The following HAO2 variants were observed in gnomAD, a reference collection of about 807,000 sequenced individuals.
HAO2 encodes hydroxyacid oxidase 2, also known as 2-Hydroxyacid oxidase 2.
Under a neutral mutation model 37.4 loss-of-function variants are expected in HAO2, and 42 were observed. That is an observed-to-expected ratio of 1.12 (90% CI 0.88 to 1.45). HAO2 has a LOEUF of 1.45. Ranked by LOEUF, HAO2 falls within the 40% of genes most tolerant of loss-of-function variation. The pLI is 0.00. For missense variants in HAO2, 476 were observed against 430.2 expected (o/e 1.11, Z -0.94); for synonymous variants, 180 against 162.8 (o/e 1.11, Z -0.81).
At chr1:119,392,719 T>C (rs1226341869) in intron 7 of HAO2, 32 bp downstream of exon 7, 1 of 1,316,796 alleles carries the variant, frequency 7.6e-7, no homozygotes, top group Non-Finnish European at 1.1e-6. Flanking sequence ...GATTTGGAAC[T>C]TAAAGCAGGA....
intron 1 of HAO2, among the ~76,000 whole-genome samples, chr1:119,376,955 A>G (rs1054308218): frequency 6.6e-6 from 1 of 152,146 alleles, no homozygotes; most frequent in Admixed American, 6.5e-5. Flanking sequence ...CATTTTCCCC[A>G]TTGTCTTGGC....
In HAO2 at chr1:119,392,203, G is replaced by C; in HGVS notation, c.865G>C (p.Ala289Pro). 1 of 1,613,468 alleles carries C rather than the reference G, an allele frequency of 6.2e-7. No individual in the cohort carries two copies. Among genetic ancestry groups the C allele is most frequent in the Non-Finnish European group, 8.5e-7 (1 of 1,179,552 alleles). ...CCGAACTGGCAATGATGTGCTGAAG[G>C]CTCTGGCCCTTGGAGCTAAGTGCAT... ...GVRTGNDVLK[A>P]LALGAKCIFL... is the part of the protein sequence containing the mutation. Residue 289 changes from alanine (A) to proline (P), a missense_variant, in exon 6 of 8, where the codon GCT becomes CCT. Coordinates refer to ENST00000325945, the MANE Select transcript of HAO2 (RefSeq NM_016527.4).
At chr1:119,369,272 T>C (rs587687972) in intron 1 of HAO2, among the ~76,000 whole-genome samples, 11 of 152,324 alleles carry the variant, frequency 7.2e-5, no homozygotes, top group African/African-American at 2.6e-4. Flanking sequence ...TGACCACTGC[T>C]TCCCGGCCAC....
intron 1 of HAO2, among the ~76,000 whole-genome samples, chr1:119,377,284 C>G (rs587627728): frequency 6.6e-6 from 1 of 152,316 alleles, no homozygotes; most frequent in East Asian, 1.9e-4. Context: ...GGGCAAAATA[C>G]TGCCAGTCTC....
intron 5 of HAO2, among the ~76,000 whole-genome samples, chr1:119,389,838 G>A (rs1254207265): frequency 6.6e-6 from 1 of 151,902 alleles, no homozygotes; most frequent in Non-Finnish European, 1.5e-5. Flanking sequence ...TTTGCTTTTG[G>A]GTTCGTGGTC....
At chr1:119,391,671 T>A (rs10923805) in intron 5 of HAO2, among the ~76,000 whole-genome samples, 1 of 152,004 alleles carries the variant, frequency 6.6e-6, no homozygotes, top group Non-Finnish European at 1.5e-5. Context: ...CAGGCCATGG[T>A]CAAGTGTACT....
intron 2 of HAO2, among the ~76,000 whole-genome samples, chr1:119,381,843 T>A (rs933021886): frequency 2.0e-5 from 3 of 152,212 alleles, no homozygotes; most frequent in Non-Finnish European, 4.4e-5. Flanking sequence ...ATAAAAATTA[T>A]ATGAAGTTCA....
At chr1:119,386,471 G>T (rs1487179062) in intron 4 of HAO2, 151 bp from the exon 5 acceptor site, 10 of 617,686 alleles carry the variant, frequency 1.6e-5, no homozygotes, top group Non-Finnish European at 2.9e-5. Flanking sequence ...CCCACAAAGT[G>T]CTGGGATTAC....
At chr1:119,377,535 G>A (rs1020774354) in intron 1 of HAO2, among the ~76,000 whole-genome samples, 9 of 152,070 alleles carry the variant, frequency 5.9e-5, no homozygotes, top group African/African-American at 1.7e-4. Flanking sequence ...CCACATTTTC[G>A]GGTATCTTTA....
At chr1:119,378,246 T>C (rs961258611) in intron 1 of HAO2, among the ~76,000 whole-genome samples, 1 of 151,824 alleles carries the variant, frequency 6.6e-6, no homozygotes, top group Non-Finnish European at 1.5e-5. Context: ...CATCTCAAAA[T>C]AAATAAATAA....
At chr1:119,375,462 A>G (rs1007000481) in intron 1 of HAO2, among the ~76,000 whole-genome samples, 4 of 152,114 alleles carry the variant, frequency 2.6e-5, no homozygotes, top group Non-Finnish European at 5.9e-5. Context: ...TTTTCAACCT[A>G]CAAAATTATC....
At chr1:119,385,676 G>T (rs1650323980) in intron 4 of HAO2, 4 of 985,282 alleles carry the variant, frequency 4.1e-6, no homozygotes, top group Admixed American at 6.1e-5. Context: ...GGCAAGAAGT[G>T]CCTCAGAGAG....
intron 4 of HAO2, chr1:119,385,742 C>G: frequency 1.0e-6 from 1 of 985,256 alleles, no homozygotes. Flanking sequence ...TAAAGCCAGC[C>G]TTTTCAACCA....
Position 119,381,260 on chromosome 1 carries a change from T to C in HAO2, c.131+44T>C, listed in dbSNP as rs587645928. The C allele has an allele frequency of 1.7e-4, 238 of 1,439,112 alleles. 2 individuals carry two copies. In the East Asian group the frequency reaches 3.9e-3, roughly 24 times the overall value. The allele number at this position is 1,439,112 out of a possible 1,614,324, so 89.1% of individuals were successfully genotyped here. A position where few individuals can be genotyped will look rare whatever the true frequency, so the allele number is the denominator to read the frequency against. The stretch of plus-strand genomic sequence containing the variant: ...TGTCTATTGTTAGGTTAAGGTGCAC[T>C]GGTGGAGAGCAACTTGGACAGTAGT... On this transcript the variant is annotated intron_variant, in intron 2 of 7. Coordinates refer to ENST00000325945, the MANE Select transcript of HAO2 (RefSeq NM_016527.4).
chr1:119,385,544 A>G, intron 4 of HAO2: 1 of 930,014 alleles, frequency 1.1e-6, no homozygotes, highest in Non-Finnish European at 1.3e-6. Flanking sequence ...CTGAGGAATC[A>G]ATATCTCTGC....
chr1:119,371,846 C>T (rs1649049422), intron 1 of HAO2, among the ~76,000 whole-genome samples: 1 of 152,162 alleles, frequency 6.6e-6, no homozygotes, highest in African/African-American at 2.4e-5. Context: ...ATCATGCTGC[C>T]TCCAGGGCTC....
At chr1:119,387,719 T>G (rs1650500368) in intron 5 of HAO2, among the ~76,000 whole-genome samples, 1 of 152,218 alleles carries the variant, frequency 6.6e-6, no homozygotes, top group South Asian at 2.1e-4. Context: ...GCTCCTCTTA[T>G]TTTTAATGGT....
intron 1 of HAO2, among the ~76,000 whole-genome samples, chr1:119,378,770 T>C (rs1436715099): frequency 5.9e-5 from 9 of 151,928 alleles, no homozygotes; most frequent in Non-Finnish European, 1.3e-4. Context: ...TTTCTATGAG[T>C]GTGTAATGTA....
intron 5 of HAO2, among the ~76,000 whole-genome samples, chr1:119,388,524 T>G (rs1650571938): frequency 6.6e-6 from 1 of 152,156 alleles, no homozygotes; most frequent in African/African-American, 2.4e-5. Context: ...CTTGATATTC[T>G]CCCAAGCCAT....
Sources: gnomAD v4.1 joint callset for allele counts (sites outside exome capture counted in the v4.1 genomes callset) on GRCh38, gnomAD v4.1.1 for gene constraint, MANE v1.5 for transcripts, NCBI Gene and HGNC (gene_info 2026-07-23, HGNC 2026-07-21) for gene names.